Variants in CSMD1 observed in about 807,000 individuals in gnomAD.
CSMD1 encodes CUB and Sushi multiple domains 1.
In CSMD1, 213 loss-of-function variants were observed where a neutral mutation model predicts 417.5. That is an observed-to-expected ratio of 0.51 (90% confidence interval 0.46 to 0.57). CSMD1 has a LOEUF of 0.57. Ranked by LOEUF, CSMD1 falls within the 20% of genes least tolerant of loss-of-function variation. The probability of loss-of-function intolerance (pLI) is 0.00; values close to 1 mark genes in which losing one functional copy is unlikely to be tolerated. For missense variants in CSMD1, 6,923 were observed against 4,529.7 expected (o/e 1.53, Z -15.17); for synonymous variants, 2,862 against 1,736.8 (o/e 1.65, Z -16.11).
intron 5 of CSMD1, among the ~76,000 whole-genome samples, chr8:3,853,815 C>T (rs1237199850): frequency 1.3e-5 from 2 of 150,590 alleles, no homozygotes; most frequent in African/African-American, 2.4e-5. Flanking sequence ...CACATGTATA[C>T]ATATGTAACA....
chr8:4,906,121 A>G (rs13262838), intron 1 of CSMD1, among the ~76,000 whole-genome samples: 52,710 of 152,114 alleles, frequency 0.35, 11,540 homozygotes, highest in Non-Finnish European at 0.5. Context: ...GATATATGGT[A>G]GGTTTCTAGA....
Position 3,267,624 on chromosome 8 carries a change from T to G in CSMD1, c.4153+16520A>C, listed in dbSNP as rs139552250. On this transcript the variant is annotated intron_variant, in intron 26 of 69. Transcript: ENST00000635120. ...GGCATCGCTGCTGATAGGAAAGAAATGTGTCCCGGCAAAAGCAAAGAGCCA... is the reference window on the plus strand; with the variant it reads ...GGCATCGCTGCTGATAGGAAAGAAAGGTGTCCCGGCAAAAGCAAAGAGCCA... 2.6e-3 allele frequency among the ~76,000 whole-genome samples: 389 copies of G among 152,094 alleles called. 1 individual carries two copies. The highest frequency in any genetic ancestry group is 8.4e-3 in the African/African-American group (348 of 41,486).
intron 1 of CSMD1, among the ~76,000 whole-genome samples, chr8:4,956,447 T>C (rs576997359): frequency 2.8e-4 from 42 of 148,622 alleles, no homozygotes; most frequent in African/African-American, 1.0e-3. Context: ...TTAATATACA[T>C]ATTAAAATAT....
chr8:3,778,041 C>T (rs2129061697), intron 5 of CSMD1, among the ~76,000 whole-genome samples: 1 of 152,372 alleles, frequency 6.6e-6, no homozygotes, highest in Non-Finnish European at 1.5e-5. Flanking sequence ...GCTGTCTGTG[C>T]TTAACAGGCT....
At chr8:3,447,208 G>C (rs1815359219) in intron 12 of CSMD1, among the ~76,000 whole-genome samples, 2 of 152,150 alleles carry the variant, frequency 1.3e-5, no homozygotes, top group African/African-American at 2.4e-5. Flanking sequence ...TGATGAACCA[G>C]CATGCGTCTG....
chr8:3,990,346 A>G (rs1436498121), intron 5 of CSMD1, among the ~76,000 whole-genome samples: 1 of 152,184 alleles, frequency 6.6e-6, no homozygotes, highest in Non-Finnish European at 1.5e-5. Flanking sequence ...CATGAGAGAA[A>G]TATTACACCA....
intron 56 of CSMD1, 46 bp from the exon 57 acceptor site, chr8:2,973,345 T>G: frequency 6.4e-7 from 1 of 1,574,506 alleles, no homozygotes; most frequent in East Asian, 2.3e-5. Context: ...GTGTTAGACT[T>G]GTTTTAAGCA....
At chr8:4,067,959 C>G (rs936411409) in intron 3 of CSMD1, among the ~76,000 whole-genome samples, 16 of 152,080 alleles carry the variant, frequency 1.1e-4, no homozygotes, top group African/African-American at 2.9e-4. Context: ...CTCCTGTAAT[C>G]CCAGCTACTT....
At chr8:4,475,132 T>C (rs1800731337) in intron 2 of CSMD1, among the ~76,000 whole-genome samples, 1 of 152,200 alleles carries the variant, frequency 6.6e-6, no homozygotes, top group Admixed American at 6.5e-5. Context: ...CTTTATTATG[T>C]TTAGGCTAGT....
chr8:3,119,285 C>T (rs1217518176), intron 41 of CSMD1, among the ~76,000 whole-genome samples: 5 of 149,408 alleles, frequency 3.3e-5, no homozygotes, highest in African/African-American at 1.2e-4. Flanking sequence ...AGGAAATATA[C>T]TACCAGTCTG....
At chr8:4,849,176 GTAAAA>G (rs1389615095) in intron 1 of CSMD1, among the ~76,000 whole-genome samples, 1 of 151,916 alleles carries the variant, frequency 6.6e-6, no homozygotes, top group Non-Finnish European at 1.5e-5. Context: ...TTTTCAAAAA[GTAAAA>G]TAAAACAAAA....
chr8:4,056,078 C>CTTTT (rs58415435), intron 3 of CSMD1, among the ~76,000 whole-genome samples: 2,051 of 97,614 alleles, frequency 0.021, 74 homozygotes, highest in Admixed American at 0.076. Context: ...TGGTGGCTTC[C>CTTTT]TTTTTTTTTT....
At chr8:4,063,282 A>C (rs1799075571) in intron 3 of CSMD1, among the ~76,000 whole-genome samples, 1 of 152,112 alleles carries the variant, frequency 6.6e-6, no homozygotes, top group South Asian at 2.1e-4. Context: ...AGAACAAAAA[A>C]ACCAAAAAAG....
chr8:4,139,181 G>A (rs369502916), intron 3 of CSMD1, among the ~76,000 whole-genome samples: 45,003 of 151,882 alleles, frequency 0.3, 8,089 homozygotes, highest in Non-Finnish European at 0.39. Flanking sequence ...TACTTAAACT[G>A]TTTCAGTTTC....
intron 12 of CSMD1, among the ~76,000 whole-genome samples, chr8:3,451,837 T>A (rs568903385): frequency 6.6e-6 from 1 of 152,318 alleles, no homozygotes; most frequent in East Asian, 1.9e-4. Context: ...AAGTAGTTTT[T>A]TCCAATTACG....
At chr8:3,168,204 C>A (rs536516375) in intron 37 of CSMD1, among the ~76,000 whole-genome samples, 1 of 152,184 alleles carries the variant, frequency 6.6e-6, no homozygotes, top group African/African-American at 2.4e-5. Flanking sequence ...CATACAGACA[C>A]CTGAGTATTC....
intron 1 of CSMD1, among the ~76,000 whole-genome samples, chr8:4,713,938 A>C (rs1296897418): frequency 6.6e-6 from 1 of 152,054 alleles, no homozygotes; most frequent in Non-Finnish European, 1.5e-5. Context: ...TGAGGTCAGG[A>C]GTTCAAAACC....
intron 12 of CSMD1, among the ~76,000 whole-genome samples, chr8:3,446,580 C>A (rs1013712492): frequency 1.3e-5 from 2 of 152,140 alleles, no homozygotes; most frequent in Non-Finnish European, 2.9e-5. Flanking sequence ...TTCCTCTCCA[C>A]GGGTAAACAG....
At chr8:4,834,939 AGG>A (rs1800376609) in intron 1 of CSMD1, among the ~76,000 whole-genome samples, 1 of 117,672 alleles carries the variant, frequency 8.5e-6, no homozygotes, top group Non-Finnish European at 1.6e-5. Flanking sequence ...CCTGGGCGAC[AGG>A]GCCAGACTCC....
Sources: gnomAD v4.1 joint callset for allele counts (sites outside exome capture counted in the v4.1 genomes callset) on GRCh38, gnomAD v4.1.1 for gene constraint, MANE v1.5 for transcripts, NCBI Gene and HGNC (gene_info 2026-07-23, HGNC 2026-07-21) for gene names.